The following SCAMP5 variants were observed in gnomAD, a reference collection of about 807,000 sequenced individuals.
SCAMP5 encodes the protein secretory carrier membrane protein 5.
SCAMP5 carries 7 observed loss-of-function variants against 28.3 expected under a neutral mutation model. The observed-to-expected ratio is 0.25, with a 90% CI of 0.14 to 0.46. The LOEUF (loss-of-function observed/expected upper bound fraction) is 0.46, where lower values mean the gene tolerates loss of function less well. Among genes scored for constraint, SCAMP5 ranks in the 20% least tolerant of loss-of-function variants. The probability of loss-of-function intolerance (pLI) is 0.99; values close to 1 mark genes in which losing one functional copy is unlikely to be tolerated. For synonymous variants in SCAMP5, 117 were observed against 116.4 expected (o/e 1.00, Z -0.03); for missense variants, 192 against 312.5 (o/e 0.61, Z 2.91).
At chr15:75,015,925 C>CAA (rs71308031) in intron 3 of SCAMP5, among the ~76,000 whole-genome samples, 2,548 of 62,754 alleles carry the variant, frequency 0.041, 113 homozygotes, top group African/African-American at 0.13. Context: ...AATTCCATCT[C>CAA]AAAAAAAAAA....
chr15:75,007,427 G>T (rs58294763), intron 1 of SCAMP5, among the ~76,000 whole-genome samples: 5 of 151,932 alleles, frequency 3.3e-5, no homozygotes, highest in Non-Finnish European at 1.5e-5. Flanking sequence ...TTGCTCTGCC[G>T]CCCGGGCTGG....
rs963221745 is a variant in SCAMP5, at chr15:75,002,470, A to C, written c.-49+6797A>C. On this transcript the variant is annotated intron_variant, in intron 1 of 6. Coordinates refer to ENST00000425597, the MANE Select transcript of SCAMP5 (RefSeq NM_138967.4). ...CCTACCCAGGTGGTACCCTATCTCT[A>C]TTCTCTCTGTATATTGTCAGCCAGG... is the stretch of plus-strand genomic sequence containing the variant. Among the ~76,000 whole-genome samples, 3 of 151,084 alleles carry C rather than the reference A, an allele frequency of 2.0e-5. No homozygotes were observed. In the East Asian group the frequency reaches 5.9e-4, roughly 29 times the overall value.
intron 1 of SCAMP5, among the ~76,000 whole-genome samples, chr15:75,008,541 C>T (rs2065782564): frequency 6.6e-6 from 1 of 151,212 alleles, no homozygotes; most frequent in African/African-American, 2.4e-5. Flanking sequence ...ACTCTGTCAC[C>T]CAGGCTGGAG....
chr15:75,016,824 C>A, intron 4 of SCAMP5, 75 bp downstream of exon 4: 3 of 1,239,550 alleles, frequency 2.4e-6, no homozygotes, highest in Non-Finnish European at 3.3e-6. Context: ...TATCTTTTCT[C>A]ACTTCTTTTT....
chr15:74,997,348 G>C (rs545881732), intron 1 of SCAMP5: 1 of 152,292 alleles, frequency 6.6e-6, no homozygotes, highest in East Asian at 1.9e-4. Context: ...TAATCTGATT[G>C]GGGGAGGGCG....
At chr15:75,005,981 CTTTTTTTTT>C (rs527501720) in intron 1 of SCAMP5, among the ~76,000 whole-genome samples, 3 of 81,016 alleles carry the variant, frequency 3.7e-5, no homozygotes, top group African/African-American at 1.1e-4. Flanking sequence ...CTCGGCCTCC[CTTTTTTTTT>C]TTTTTTTTTT....
At chr15:75,004,739 A>G (rs2065740234) in intron 1 of SCAMP5, among the ~76,000 whole-genome samples, 1 of 152,110 alleles carries the variant, frequency 6.6e-6, no homozygotes, top group East Asian at 1.9e-4. Context: ...TCTCAAAAAA[A>G]AAAAAAGAAA....
chr15:74,999,116 G>T (rs746398814), intron 1 of SCAMP5, among the ~76,000 whole-genome samples: 2 of 152,166 alleles, frequency 1.3e-5, no homozygotes, highest in African/African-American at 4.8e-5. Context: ...TCTGAATGTG[G>T]TCCTCATTGG....
chr15:75,004,310 C>CATG (rs1433421805), intron 1 of SCAMP5, among the ~76,000 whole-genome samples: 1 of 152,210 alleles, frequency 6.6e-6, no homozygotes, highest in Non-Finnish European at 1.5e-5. Context: ...GCTGAGACTA[C>CATG]AGGCACACAC....
Position 75,018,666 on chromosome 15 carries a change from C to T in SCAMP5, c.514-123C>T. 9.8e-7 allele frequency: 1 copy of T among 1,018,104 alleles called. No homozygotes were observed. Among genetic ancestry groups the T allele is most frequent in the Non-Finnish European group, 1.5e-6 (1 of 645,334 alleles). 63.1% of individuals were successfully genotyped at this position (1,018,104 alleles called of 1,614,324 possible). A position where few individuals can be genotyped will look rare whatever the true frequency, so the allele number is the denominator to read the frequency against. On this transcript the variant is annotated intron_variant, in intron 6 of 6. Transcript: ENST00000425597. This position sits in a 1 kb window ranked among gnomAD's most constrained non-coding sequence, Gnocchi z 5.6. Reference sequence around the variant, plus strand: ...TCACTCTGGAATGGCCTGCAGGACTCTCCTACAGAGGCATTCATGGGGAGG... The same window carrying T: ...TCACTCTGGAATGGCCTGCAGGACTTTCCTACAGAGGCATTCATGGGGAGG...
intron 1 of SCAMP5, among the ~76,000 whole-genome samples, chr15:74,998,488 C>G (rs1379030309): frequency 6.6e-6 from 1 of 151,956 alleles, no homozygotes. Flanking sequence ...CGCCTGTAAT[C>G]CCAGTTACTA....
Position 75,011,722 on chromosome 15 carries a change from G to A in SCAMP5, c.-48-70G>A, listed in dbSNP as rs539399278. ...GTCCTGGGGAGCTTGCAGCCCAGAT[G>A]AGGAGTAGAGAGGGACTGGGTTGGG... On this transcript the variant is annotated intron_variant, in intron 1 of 6. Coordinates refer to ENST00000425597, the MANE Select transcript of SCAMP5 (RefSeq NM_138967.4). The A allele has an allele frequency of 1.2e-5, 9 of 750,184 alleles. No individual in the cohort carries two copies. In the South Asian group the frequency reaches 1.3e-4, roughly 10 times the overall value. The allele number at this position is 750,184 out of a possible 1,614,324, so 46.5% of individuals were successfully genotyped here. A position where few individuals can be genotyped will look rare whatever the true frequency, so the allele number is the denominator to read the frequency against.
intron 3 of SCAMP5, among the ~76,000 whole-genome samples, chr15:75,013,461 G>C (rs1281895568): frequency 6.6e-6 from 1 of 152,162 alleles, no homozygotes; most frequent in Non-Finnish European, 1.5e-5. Context: ...CACTTTGGGA[G>C]GCTGAGCCAG....
Position 75,018,365 on chromosome 15 carries a change from C to A in SCAMP5, c.396-53C>A. 9.0e-7 allele frequency: 1 copy of A among 1,112,566 alleles called. No homozygotes were observed. The highest frequency in any genetic ancestry group is 1.4e-6 in the Non-Finnish European group (1 of 722,550). 68.9% of individuals were successfully genotyped at this position (1,112,566 alleles called of 1,614,324 possible). ...GACGGTCCCTTCCTCTAGCGGGGGGCTCCTGGGCACCTCTTATCCTGCCCG... is the reference window on the plus strand; with the variant it reads ...GACGGTCCCTTCCTCTAGCGGGGGGATCCTGGGCACCTCTTATCCTGCCCG... On this transcript the variant is annotated intron_variant, in intron 5 of 6. Coordinates refer to ENST00000425597, the MANE Select transcript of SCAMP5 (RefSeq NM_138967.4). This position sits in a 1 kb window ranked among gnomAD's most constrained non-coding sequence, Gnocchi z 5.6.
At chr15:75,013,087 T>C in intron 3 of SCAMP5, 1 of 459,020 alleles carries the variant, frequency 2.2e-6, no homozygotes, top group Non-Finnish European at 4.0e-6. Context: ...CAGGGGTCCC[T>C]CTCTGCAGTG....
rs534981013 is a variant in SCAMP5 at position 75,020,259 on chromosome 15, C to G, written c.*1276C>G. The G allele has an allele frequency of 2.0e-5, 3 of 152,642 alleles. No individual in the cohort carries two copies. The highest frequency in any genetic ancestry group is 4.4e-5 in the Non-Finnish European group (3 of 68,370). The allele number at this position is 152,642 out of a possible 1,614,324, so 9.5% of individuals were successfully genotyped here. On this transcript the variant is annotated 3_prime_UTR_variant, in exon 7 of 7. Transcript: ENST00000425597. ...AGGACAGGGCTCAGAGGGCTAGGCACGGAGGGAAGGTCAGAGGAGAAGGCA... is the reference window on the plus strand; with the variant it reads ...AGGACAGGGCTCAGAGGGCTAGGCAGGGAGGGAAGGTCAGAGGAGAAGGCA...
At chr15:75,002,470 A>G (rs963221745) in intron 1 of SCAMP5, among the ~76,000 whole-genome samples, 4 of 151,202 alleles carry the variant, frequency 2.6e-5, no homozygotes, top group African/African-American at 4.9e-5. Flanking sequence ...CCCTATCTCT[A>G]TTCTCTCTGT....
chr15:75,000,988 C>T (rs2065701360), intron 1 of SCAMP5, among the ~76,000 whole-genome samples: 1 of 151,976 alleles, frequency 6.6e-6, no homozygotes, highest in Non-Finnish European at 1.5e-5. Context: ...AGGCCGGGCG[C>T]GGTGGCTCAC....
rs926615113 is a variant in SCAMP5 at position 74,996,075 on chromosome 15, G to T, written c.-49+402G>T. ...AGCCGGGGATGGGGGCGACTGGAAGGGGGTGCCCGTGGCTTCCTTTGGGCC... is the reference window on the plus strand; with the variant it reads ...AGCCGGGGATGGGGGCGACTGGAAGTGGGTGCCCGTGGCTTCCTTTGGGCC... On this transcript the variant is annotated intron_variant, in intron 1 of 6. Coordinates refer to ENST00000425597, the MANE Select transcript of SCAMP5 (RefSeq NM_138967.4). The surrounding 1 kb of genome is among the most constrained non-coding windows in gnomAD (Gnocchi z 4.1). 6.6e-6 allele frequency: 1 copy of T among 152,494 alleles called. No individual in the cohort carries two copies. Among genetic ancestry groups the T allele is most frequent in the African/African-American group, 2.4e-5 (1 of 41,472 alleles). The allele number at this position is 152,494 out of a possible 1,614,324, so 9.4% of individuals were successfully genotyped here.
Sources: gnomAD v4.1 joint callset for allele counts (sites outside exome capture counted in the v4.1 genomes callset) on GRCh38, gnomAD v4.1.1 for gene constraint, Gnocchi (gnomAD v3.1) non-coding constraint, MANE v1.5 for transcripts, NCBI Gene and HGNC (gene_info 2026-07-23, HGNC 2026-07-21) for gene names.